NCAM1: variants seen among roughly 807,000 people sequenced by gnomAD.
The protein encoded by NCAM1 is neural cell adhesion molecule 1.
A neutral mutation model predicts 109.8 loss-of-function variants in NCAM1; 14 were observed. The observed-to-expected ratio is 0.13, with a 90% CI of 0.08 to 0.20. NCAM1 has a LOEUF of 0.20. NCAM1 is among the 10% of genes least tolerant of loss of function. The pLI is 1.00. For missense variants in NCAM1, 774 were observed against 1,109.9 expected (o/e 0.70, Z 4.30); for synonymous variants, 418 against 442.9 (o/e 0.94, Z 0.70).
chr11:113,061,321 C>T (rs1388513283), intron 1 of NCAM1, among the ~76,000 whole-genome samples: 1 of 152,046 alleles, frequency 6.6e-6, no homozygotes, highest in Non-Finnish European at 1.5e-5. Flanking sequence ...TTTGTAGGAA[C>T]ATATGTACTT....
chr11:113,045,177 A>G (rs1207558662), intron 1 of NCAM1, among the ~76,000 whole-genome samples: 1 of 152,264 alleles, frequency 6.6e-6, no homozygotes, highest in African/African-American at 2.4e-5. Context: ...GAGGAAGATG[A>G]CAATTGGTTT....
At chr11:113,236,219 TTCTTTTACA>T in intron 14 of NCAM1, 2 of 1,447,588 alleles carry the variant, frequency 1.4e-6, no homozygotes, top group Non-Finnish European at 1.9e-6. Flanking sequence ...TTCTATTCAT[TTCTTTTACA>T]TCTTATTTTT....
chr11:113,098,341 A>T (rs2009978), intron 1 of NCAM1, among the ~76,000 whole-genome samples: 126,526 of 152,206 alleles, frequency 0.83, 52,962 homozygotes, highest in African/African-American at 0.93. Flanking sequence ...TATTTGCATA[A>T]AACCTACATA....
At chr11:113,089,206 G>A (rs540328045) in intron 1 of NCAM1, among the ~76,000 whole-genome samples, 5 of 152,118 alleles carry the variant, frequency 3.3e-5, no homozygotes, top group Admixed American at 1.3e-4. Context: ...CCAGCTACTC[G>A]GGAGGCTGAG....
intron 1 of NCAM1, among the ~76,000 whole-genome samples, chr11:113,050,561 A>AGTAC (rs1953441450): frequency 6.6e-6 from 1 of 152,100 alleles, no homozygotes; most frequent in African/African-American, 2.4e-5. Flanking sequence ...TACCAGTACC[A>AGTAC]TGCTGTTTTG....
At chr11:113,231,879 A>G (rs1945018856) in intron 10 of NCAM1, 84 bp downstream of exon 10, 6 of 1,534,166 alleles carry the variant, frequency 3.9e-6, no homozygotes, top group African/African-American at 2.7e-5. Flanking sequence ...GCAAGGACCT[A>G]TGTGCACCCT....
In NCAM1 at chr11:113,276,944, A is replaced by C; in HGVS notation, c.*1557A>C. 6.2e-6 allele frequency: 1 copy of C among 160,440 alleles called. No homozygotes were observed. Among genetic ancestry groups the C allele is most frequent in the African/African-American group, 2.4e-5 (1 of 41,916 alleles). 9.9% of individuals were successfully genotyped at this position (160,440 alleles called of 1,614,324 possible). ...TGCACTGTGGATGCGTGAATATTTTAGTGTGAAACGTGTTTTTGTCATAGT... is the reference window on the plus strand; with the variant it reads ...TGCACTGTGGATGCGTGAATATTTTCGTGTGAAACGTGTTTTTGTCATAGT... On this transcript the variant is annotated 3_prime_UTR_variant, in exon 20 of 20. Transcript: ENST00000316851.
chr11:113,124,340 C>T (rs1941091400), intron 1 of NCAM1, among the ~76,000 whole-genome samples: 1 of 152,176 alleles, frequency 6.6e-6, no homozygotes, highest in Admixed American at 6.5e-5. Flanking sequence ...TGCACTTGCC[C>T]ATCTCTTTGA....
At position 113,116,719 on chromosome 11, in the gene NCAM1, C is replaced by T. The variant is rs181306718; in HGVS notation, c.53-85660C>T. ...AAGGCTGGCAAAGAGAGTGGTACCT[C>T]TTGTGGTTTCTGCGTGGAACCCATT... On this transcript the variant is annotated intron_variant, in intron 1 of 19. Coordinates refer to ENST00000316851, the MANE Select transcript of NCAM1 (RefSeq NM_181351.5). Among the ~76,000 whole-genome samples the T allele has an allele frequency of 1.1e-4, 17 of 150,418 alleles. No homozygotes were observed. The South Asian group carries it at 1.9e-3, about 17-fold the overall frequency.
chr11:113,212,545 T>G (rs782421196), intron 7 of NCAM1, among the ~76,000 whole-genome samples: 10 of 152,166 alleles, frequency 6.6e-5, no homozygotes, highest in Admixed American at 3.3e-4. Flanking sequence ...TCTCAGAGTC[T>G]GACAAGATTT....
At chr11:113,227,516 G>A (rs1944886938) in intron 9 of NCAM1, among the ~76,000 whole-genome samples, 1 of 152,184 alleles carries the variant, frequency 6.6e-6, no homozygotes, top group Non-Finnish European at 1.5e-5. Flanking sequence ...AGGAGGAGCT[G>A]GTACCATTCC....
At chr11:113,226,012 A>C (rs1944833512) in intron 9 of NCAM1, among the ~76,000 whole-genome samples, 1 of 152,250 alleles carries the variant, frequency 6.6e-6, no homozygotes, top group African/African-American at 2.4e-5. Flanking sequence ...GGTTAGGAAG[A>C]AACTGCATCA....
intron 14 of NCAM1, among the ~76,000 whole-genome samples, chr11:113,245,843 T>C (rs1300093939): frequency 1.3e-5 from 2 of 152,246 alleles, no homozygotes; most frequent in African/African-American, 4.8e-5. Context: ...TCGGGACTTT[T>C]CCTTGATGAC....
At chr11:113,143,304 A>G (rs532120324) in intron 1 of NCAM1, among the ~76,000 whole-genome samples, 11 of 152,060 alleles carry the variant, frequency 7.2e-5, no homozygotes, top group African/African-American at 2.7e-4. Flanking sequence ...GATCTGGATG[A>G]TTTTCAAAAA....
At chr11:113,077,709 G>A (rs1203124034) in intron 1 of NCAM1, among the ~76,000 whole-genome samples, 5 of 149,886 alleles carry the variant, frequency 3.3e-5, no homozygotes, top group African/African-American at 7.4e-5. Context: ...TTTTTGAGAC[G>A]GAGTCTTGGC....
At chr11:112,967,648 T>C (rs1950763887) in intron 1 of NCAM1, among the ~76,000 whole-genome samples, 1 of 152,226 alleles carries the variant, frequency 6.6e-6, no homozygotes, top group Non-Finnish European at 1.5e-5. Context: ...GAAGGATATA[T>C]ATGGATCTGG....
At chr11:113,012,079 C>T (rs986070618) in intron 1 of NCAM1, among the ~76,000 whole-genome samples, 13 of 151,002 alleles carry the variant, frequency 8.6e-5, no homozygotes, top group Admixed American at 7.9e-4. Context: ...AGTGCAGTGG[C>T]GCGATCTTGG....
At position 113,021,065 on chromosome 11, in the gene NCAM1, T is replaced by C. The variant is rs192852269; in HGVS notation, c.52+59401T>C. Reference sequence around the variant, plus strand: ...AGCCACCGCACCCAAGCTTATTATTTTCTTCATTGGTGGCTCCTACTAGTC... The same window carrying C: ...AGCCACCGCACCCAAGCTTATTATTCTCTTCATTGGTGGCTCCTACTAGTC... On this transcript the variant is annotated intron_variant, in intron 1 of 19. Transcript: ENST00000316851. Among the ~76,000 whole-genome samples the C allele has an allele frequency of 2.0e-3, 306 of 152,308 alleles. 1 individual carries two copies. The highest frequency in any genetic ancestry group is 3.4e-3 in the Middle Eastern group (1 of 294).
chr11:113,261,827 C>T (rs1342658395), intron 17 of NCAM1, among the ~76,000 whole-genome samples: 2 of 152,158 alleles, frequency 1.3e-5, no homozygotes, highest in African/African-American at 4.8e-5. Flanking sequence ...ACTGGGTAGG[C>T]TGTTTGGACC....
Sources: allele counts gnomAD v4.1 joint callset (sites outside exome capture counted in the v4.1 genomes callset), GRCh38; gene constraint gnomAD v4.1.1; transcripts MANE v1.5; gene names NCBI Gene and HGNC (gene_info 2026-07-23, HGNC 2026-07-21).